The following GRID2 variants were observed in gnomAD, a reference collection of about 807,000 sequenced individuals.
GRID2 encodes glutamate ionotropic receptor delta type subunit 2, also known as glutamate receptor ionotropic, delta-2.
In GRID2, 33 loss-of-function variants were observed where a neutral mutation model predicts 114.8. The observed-to-expected ratio is 0.29, with a 90% CI of 0.22 to 0.38. GRID2 has a LOEUF of 0.38. GRID2 is among the 10% of genes least tolerant of loss of function. The probability of loss-of-function intolerance (pLI) is 1.00; values close to 1 mark genes in which losing one functional copy is unlikely to be tolerated. For missense variants in GRID2, 1,184 were observed against 1,257.7 expected (o/e 0.94, Z 0.89); for synonymous variants, 505 against 449.9 (o/e 1.12, Z -1.55).
intron 1 of GRID2, among the ~76,000 whole-genome samples, chr4:93,803,584 T>A (rs1315375013): frequency 6.6e-6 from 1 of 152,058 alleles, no homozygotes; most frequent in East Asian, 1.9e-4. Context: ...TAGCCGGGCA[T>A]GGTGGCACGC....
At chr4:93,546,110 G>C (rs576240742) in intron 13 of GRID2, among the ~76,000 whole-genome samples, 7 of 152,246 alleles carry the variant, frequency 4.6e-5, no homozygotes, top group African/African-American at 1.7e-4. Flanking sequence ...ACCTGATAGT[G>C]AATTGCATAT....
intron 2 of GRID2, among the ~76,000 whole-genome samples, chr4:92,654,137 G>A (rs150657367): frequency 5.7e-4 from 86 of 152,020 alleles, no homozygotes; most frequent in African/African-American, 2.0e-3. Flanking sequence ...TGTGGCTTAA[G>A]CAACAATTTA....
chr4:92,683,131 C>T (rs1560530491), intron 2 of GRID2, among the ~76,000 whole-genome samples: 1 of 152,018 alleles, frequency 6.6e-6, no homozygotes, highest in Non-Finnish European at 1.5e-5. Flanking sequence ...AACCTTGCCT[C>T]TACTAAAAAT....
intron 14 of GRID2, among the ~76,000 whole-genome samples, chr4:93,652,234 T>G (rs1722641543): frequency 6.6e-6 from 1 of 151,928 alleles, no homozygotes; most frequent in Admixed American, 6.6e-5. Context: ...GAAGACCACG[T>G]GAAGACACAA....
chr4:93,615,640 A>G (rs758758166), intron 13 of GRID2, among the ~76,000 whole-genome samples: 1 of 125,006 alleles, frequency 8.0e-6, no homozygotes, highest in Non-Finnish European at 1.7e-5. Context: ...CCTTCACCCC[A>G]AAAAAAAAAA....
At chr4:92,715,726 T>C (rs1293658692) in intron 2 of GRID2, among the ~76,000 whole-genome samples, 4 of 152,022 alleles carry the variant, frequency 2.6e-5, no homozygotes, top group Non-Finnish European at 4.4e-5. Context: ...AAGAATAGCA[T>C]GGAAAAAAAC....
chr4:92,895,715 G>A (rs777770708), intron 2 of GRID2, among the ~76,000 whole-genome samples: 1 of 151,878 alleles, frequency 6.6e-6, no homozygotes, highest in Non-Finnish European at 1.5e-5. Flanking sequence ...ACTAACTACT[G>A]TGCCAGACAT....
At chr4:93,115,622 G>C (rs1430333348) in intron 4 of GRID2, among the ~76,000 whole-genome samples, 1 of 152,064 alleles carries the variant, frequency 6.6e-6, no homozygotes, top group East Asian at 1.9e-4. Context: ...CTGAGACTGG[G>C]TAATTTATAA....
intron 12 of GRID2, among the ~76,000 whole-genome samples, chr4:93,499,401 G>T (rs1273568335): frequency 1.3e-5 from 2 of 151,848 alleles, no homozygotes; most frequent in Non-Finnish European, 2.9e-5. Flanking sequence ...CAATAAAGAT[G>T]AATACAACTC....
At chr4:93,199,546 C>T (rs1377322449) in intron 4 of GRID2, among the ~76,000 whole-genome samples, 2 of 152,098 alleles carry the variant, frequency 1.3e-5, no homozygotes, top group Admixed American at 6.5e-5. Context: ...ATAACTTTGG[C>T]AGTAATGGCA....
chr4:93,501,342 A>G (rs1463629726), intron 12 of GRID2, among the ~76,000 whole-genome samples: 1 of 151,952 alleles, frequency 6.6e-6, no homozygotes, highest in Non-Finnish European at 1.5e-5. Flanking sequence ...GGAATTGCAC[A>G]CTTTATTAGG....
At chr4:92,429,117 T>C (rs1732309359) in intron 1 of GRID2, among the ~76,000 whole-genome samples, 1 of 152,138 alleles carries the variant, frequency 6.6e-6, no homozygotes, top group African/African-American at 2.4e-5. Context: ...CTGTGTTTGG[T>C]TTTCTGTTCT....
chr4:93,662,776 AT>A (rs1409051764), intron 14 of GRID2, among the ~76,000 whole-genome samples: 1 of 152,206 alleles, frequency 6.6e-6, no homozygotes, highest in Non-Finnish European at 1.5e-5. Context: ...TGTCTCTGTA[AT>A]TTCTTTGTCT....
chr4:92,687,059 G>T, intron 2 of GRID2, among the ~76,000 whole-genome samples: 1 of 152,018 alleles, frequency 6.6e-6, no homozygotes. Context: ...CTTCAAATAA[G>T]TCATAAATTA....
intron 1 of GRID2, among the ~76,000 whole-genome samples, chr4:92,467,042 C>T (rs116167785): frequency 6.6e-6 from 1 of 151,538 alleles, no homozygotes; most frequent in South Asian, 2.1e-4. Flanking sequence ...AAAGTTATTA[C>T]TATTAGAGAA....
In GRID2 at chr4:93,632,996, A is replaced by C. The variant is rs934506170; in HGVS notation, c.2360+6561A>C. Among the ~76,000 whole-genome samples the C allele has an allele frequency of 5.4e-4, 82 of 151,974 alleles. 1 individual carries two copies. The highest frequency in any genetic ancestry group is 1.3e-4 in the Non-Finnish European group (9 of 67,992). Reference sequence around the variant, plus strand: ...TTGAAGCAATTGTGAATGGGAGTTCACTCATGATTTGGCTCTCTGTTTGTC... The same window carrying C: ...TTGAAGCAATTGTGAATGGGAGTTCCCTCATGATTTGGCTCTCTGTTTGTC... On this transcript the variant is annotated intron_variant, in intron 14 of 15. Coordinates refer to ENST00000282020, the MANE Select transcript of GRID2 (RefSeq NM_001510.4).
chr4:93,246,019 A>G (rs1442187333), intron 8 of GRID2, among the ~76,000 whole-genome samples: 2 of 152,226 alleles, frequency 1.3e-5, no homozygotes, highest in Non-Finnish European at 2.9e-5. Context: ...TGACAGTCAC[A>G]GTGATAGCAT....
chr4:93,583,940 T>C (rs1410542820), intron 13 of GRID2, among the ~76,000 whole-genome samples: 2 of 152,060 alleles, frequency 1.3e-5, no homozygotes, highest in Non-Finnish European at 2.9e-5. Context: ...GAACAAGACA[T>C]CACTAAACAG....
At chr4:92,486,717 G>A (rs1352598020) in intron 1 of GRID2, among the ~76,000 whole-genome samples, 2 of 151,854 alleles carry the variant, frequency 1.3e-5, no homozygotes, top group African/African-American at 4.8e-5. Context: ...AAATATATAA[G>A]AAACTCTACA....
Sources: gnomAD v4.1 joint callset for allele counts (sites outside exome capture counted in the v4.1 genomes callset) on GRCh38, gnomAD v4.1.1 for gene constraint, MANE v1.5 for transcripts, NCBI Gene and HGNC (gene_info 2026-07-23, HGNC 2026-07-21) for gene names.